The following LGMN variants were observed in gnomAD, a reference collection of about 807,000 sequenced individuals.
LGMN encodes asparaginyl endopeptidase.
In LGMN, 36 loss-of-function variants were observed where a neutral mutation model predicts 56.8. That is an observed-to-expected ratio of 0.63 (90% CI 0.49 to 0.84). The LOEUF (loss-of-function observed/expected upper bound fraction) is 0.84. Ranked by LOEUF, LGMN falls within the 40% of genes least tolerant of loss-of-function variation. The pLI, the probability that LGMN is intolerant of heterozygous loss-of-function variation, is 0.00. For synonymous variants in LGMN, 199 were observed against 210.1 expected (o/e 0.95, Z 0.46); for missense variants, 446 against 556.1 (o/e 0.80, Z 1.99).
chr14:92,713,783 A>AC (rs752066888), intron 7 of LGMN, 40 bp downstream of exon 7: 3 of 1,454,780 alleles, frequency 2.1e-6, no homozygotes, highest in Non-Finnish European at 2.9e-6. Context: ...CTTTCCTCAC[A>AC]CCCCCCGCCC....
At chr14:92,725,995 G>C (rs903520780) in intron 2 of LGMN, among the ~76,000 whole-genome samples, 1 of 151,972 alleles carries the variant, frequency 6.6e-6, no homozygotes, top group East Asian at 1.9e-4. Context: ...CCAGCACTTT[G>C]GGAGGCTGAG....
At chr14:92,708,345 TC>T (rs1337585990) in intron 11 of LGMN, among the ~76,000 whole-genome samples, 9 of 152,004 alleles carry the variant, frequency 5.9e-5, no homozygotes, top group African/African-American at 2.2e-4. Context: ...ACTCCTGTAA[TC>T]CCAGCACTTT....
intron 1 of LGMN, among the ~76,000 whole-genome samples, chr14:92,739,169 A>G (rs1032008089): frequency 6.6e-6 from 1 of 152,218 alleles, no homozygotes; most frequent in Admixed American, 6.5e-5. Flanking sequence ...TAGCTACCTT[A>G]CATGCTAATT....
chr14:92,735,755 G>A (rs141294104), intron 1 of LGMN, among the ~76,000 whole-genome samples: 35 of 152,166 alleles, frequency 2.3e-4, no homozygotes, highest in Non-Finnish European at 3.1e-4. Context: ...GTCAATGGAC[G>A]GGCAACTGGT....
chr14:92,704,289 CA>C lies in LGMN; in HGVS notation c.*29del. ...CAGCACACAGTCGGTGGGGCGCTCA[CA>C]CTTGGAAAAGCTTCCAGGAGGCAGC... On this transcript the variant is annotated 3_prime_UTR_variant, in exon 14 of 14. Transcript: ENST00000334869. 1 of 1,611,296 alleles carries C rather than the reference CA, an allele frequency of 6.2e-7. No homozygotes were observed. Among genetic ancestry groups the C allele is most frequent in the South Asian group, 1.1e-5 (1 of 91,074 alleles).
chr14:92,733,436 A>C (rs1181910515), intron 1 of LGMN, among the ~76,000 whole-genome samples: 1 of 152,228 alleles, frequency 6.6e-6, no homozygotes, highest in East Asian at 1.9e-4. Context: ...CAGCAGATAA[A>C]ATTCATCAAC....
chr14:92,712,018 G>T, intron 8 of LGMN, 63 bp from the exon 9 acceptor site: 1 of 1,259,376 alleles, frequency 7.9e-7, no homozygotes, highest in Non-Finnish European at 1.2e-6. Context: ...TACGCTTGAA[G>T]CTTGAGTCCT....
chr14:92,719,230 GCCACCGCCACCACCGCCACCACCACCA>G (rs1890267143), intron 2 of LGMN, among the ~76,000 whole-genome samples: 3 of 22,886 alleles, frequency 1.3e-4, no homozygotes, highest in African/African-American at 6.0e-4. Context: ...CACCACCACC[GCCACCGCCACCACCGCCACCACCACCA>G]CCGCCACCGC....
chr14:92,717,268 C>T (rs768623300), intron 4 of LGMN, 112 bp downstream of exon 4: 13 of 636,068 alleles, frequency 2.0e-5, no homozygotes, highest in East Asian at 7.9e-5. Flanking sequence ...TGTGAAACAC[C>T]GACCAGAAGC....
rs201674386 is a variant in LGMN at position 92,714,472 on chromosome 14, G to A, written c.405-21C>T. 3,668 of 1,524,252 alleles carry A rather than the reference G, an allele frequency of 2.4e-3. 14 individuals are homozygous for A. The highest frequency in any genetic ancestry group is 2.8e-3 in the Non-Finnish European group (3,090 of 1,106,388). 94.4% of individuals were successfully genotyped at this position (1,524,252 alleles called of 1,614,324 possible). On this transcript the variant is annotated intron_variant, in intron 5 of 13. Coordinates refer to ENST00000334869, the MANE Select transcript of LGMN (RefSeq NM_005606.7). This position sits in a 1 kb window ranked among gnomAD's most constrained non-coding sequence, Gnocchi z 5.1. Reference sequence around the variant, plus strand: ...GGCCACTGCCAAGAAGGAATCGGGGGTCAATCATTTCCTTTTTCTGTTTTT... The same window carrying A: ...GGCCACTGCCAAGAAGGAATCGGGGATCAATCATTTCCTTTTTCTGTTTTT...
At position 92,711,839 on chromosome 14, in the gene LGMN, C is replaced by G. The variant is rs1350520374; in HGVS notation, c.727G>C (p.Val243Leu). 1 of 1,611,532 alleles carries G rather than the reference C, an allele frequency of 6.2e-7. No individual in the cohort carries two copies. The highest frequency in any genetic ancestry group is 8.5e-7 in the Non-Finnish European group (1 of 1,177,556). ...YSVNWMEDSD[V>L]EDLTKETLHK... ...CAGCCAGCCCCCAAAGGGCTCACCACGTCCGAATCTTCCATCCAGTTGACG... is the reference window on the plus strand; with the variant it reads ...CAGCCAGCCCCCAAAGGGCTCACCAGGTCCGAATCTTCCATCCAGTTGACG... Residue 243 changes from valine to leucine, a missense_variant and splice_region_variant, in exon 9 of 14, where the codon GTG (valine) becomes CTG (leucine). Coordinates refer to ENST00000334869, the MANE Select transcript of LGMN (RefSeq NM_005606.7).
At position 92,717,454 on chromosome 14, in the gene LGMN, TG is replaced by T; in HGVS notation, c.243del (p.Thr82LeufsTer5). The T allele has an allele frequency of 1.2e-6, 2 of 1,611,716 alleles. No homozygotes were observed. The highest frequency in any genetic ancestry group is 1.7e-6 in the Non-Finnish European group (2 of 1,178,142). ...GGCCTGTTGATCACAATTCCTGGAG[TG>T]GGATTGCTGAAAATTAAAGGACACA... ...YDDIAYSEDN[P>X]TPGIVINRPN... On this transcript the variant is annotated frameshift_variant, in exon 4 of 14. Transcript: ENST00000334869. LOFTEE classifies it high-confidence loss of function.
chr14:92,712,116 C>T (rs942053736), intron 8 of LGMN, among the ~76,000 whole-genome samples, 161 bp from the exon 9 acceptor site: 5 of 152,096 alleles, frequency 3.3e-5, no homozygotes, highest in African/African-American at 4.8e-5. Context: ...CTTGTGTATT[C>T]GATTACAATA....
chr14:92,712,223 C>G (rs1306707201), intron 8 of LGMN, among the ~76,000 whole-genome samples: 1 of 152,182 alleles, frequency 6.6e-6, no homozygotes, highest in African/African-American at 2.4e-5. Context: ...TCATGCTATT[C>G]TGGAAGAATG....
At position 92,706,555 on chromosome 14, in the gene LGMN, G is replaced by C; in HGVS notation, c.1119C>G (p.Leu373=). The part of the protein sequence containing the change: ...VEQLLSERAP[L]TGHSCYPEAL... ...CCTCTGGGTAGCAGCTGTGCCCCGT[G>C]AGCGGGGCTCTCTCGGACAGGAGCT... Residue 373 remains leucine, a synonymous_variant, in exon 12 of 14, where the codon CTC becomes CTG. Transcript: ENST00000334869. The C allele has an allele frequency of 1.2e-6, 2 of 1,603,064 alleles. No homozygotes were observed. The highest frequency in any genetic ancestry group is 2.2e-5 in the East Asian group (1 of 44,704).
intron 1 of LGMN, among the ~76,000 whole-genome samples, chr14:92,739,185 T>C (rs559738568): frequency 5.9e-5 from 9 of 152,318 alleles, no homozygotes; most frequent in East Asian, 5.8e-4. Flanking sequence ...TAATTTCCTA[T>C]GGGCATTTAT....
intron 1 of LGMN, among the ~76,000 whole-genome samples, chr14:92,734,763 C>T (rs568598067): frequency 1.3e-5 from 2 of 152,170 alleles, no homozygotes; most frequent in Non-Finnish European, 2.9e-5. Context: ...CCTGTGCCTC[C>T]GCGATAAGAA....
chr14:92,730,933 CAAAA>C (rs111868362), intron 2 of LGMN, among the ~76,000 whole-genome samples: 4 of 114,752 alleles, frequency 3.5e-5, no homozygotes, highest in African/African-American at 6.7e-5. Flanking sequence ...CTGTCTCAAC[CAAAA>C]AAAAAAAAAA....
At chr14:92,704,968 A>G (rs1889354694) in intron 12 of LGMN, 2 of 415,932 alleles carry the variant, frequency 4.8e-6, no homozygotes, top group Non-Finnish European at 9.1e-6. Flanking sequence ...GACTCCTGAC[A>G]GGGAACTCCC....
Sources: gnomAD v4.1 joint callset for allele counts (sites outside exome capture counted in the v4.1 genomes callset) on GRCh38, gnomAD v4.1.1 for gene constraint, Gnocchi (gnomAD v3.1) non-coding constraint, MANE v1.5 for transcripts, NCBI Gene and HGNC (gene_info 2026-07-23, HGNC 2026-07-21) for gene names.